Variants in VWDE observed in about 807,000 individuals in gnomAD.
VWDE encodes von Willebrand factor D and EGF domains, also known as von Willebrand factor D and EGF domain-containing protein.
In VWDE, 207 loss-of-function variants were observed where a neutral mutation model predicts 178.4. The ratio of observed to expected loss-of-function variants is 1.16; its 90% CI spans 1.04 to 1.30. The LOEUF is 1.30. VWDE is among the 50% of genes most tolerant of loss of function. The pLI is 0.00. For synonymous variants in VWDE, 738 were observed against 651.4 expected, an observed-to-expected ratio of 1.13 and a Z score of -2.02; for missense variants, 2,287 against 1,901.3, an observed-to-expected ratio of 1.20 and a Z score of -3.77.
In VWDE at chr7:12,361,507, T is replaced by G; in HGVS notation, c.2913A>C (p.Glu971Asp). ...EVTKLQYNSS[E>D]WMPGEPIYTQ... Reference sequence around the variant, plus strand: ...TATAGATGGGTTCTCCAGGCATCCATTCACTGCTATTATACTGAAGACATA... The same window carrying G: ...TATAGATGGGTTCTCCAGGCATCCAGTCACTGCTATTATACTGAAGACATA... The change falls in exon 14 of 29, where the codon GAA (glutamate) becomes GAC (aspartate). Residue 971 changes from glutamate (E) to aspartate (D), a missense_variant. By Grantham distance (45) the Glu-to-Asp change is conservative (BLOSUM62 2). Coordinates refer to ENST00000275358, the MANE Select transcript of VWDE (RefSeq NM_001135924.3). 1.3e-6 allele frequency: 2 copies of G among 1,547,804 alleles called. No individual in the cohort carries two copies. Among genetic ancestry groups the G allele is most frequent in the African/African-American group, 1.4e-5 (1 of 72,902 alleles).
chr7:12,400,246 T>C (rs1421802676), intron 1 of VWDE, among the ~76,000 whole-genome samples: 3 of 151,986 alleles, frequency 2.0e-5, no homozygotes, highest in Non-Finnish European at 2.9e-5. Context: ...GAACTGAGTA[T>C]AGAAAAACAA....
chr7:12,377,547 AT>A lies in VWDE; in HGVS notation c.1024+228del, dbSNP rs1291604319. ...GATGACGAAGAGGAGATTATTCACT[AT>A]TTTTTTTCTTTTTTTAAAATGTATG... is the stretch of plus-strand genomic sequence containing the variant. On this transcript the variant is annotated intron_variant, in intron 7 of 28. Coordinates refer to ENST00000275358, the MANE Select transcript of VWDE (RefSeq NM_001135924.3). 9 of 325,676 alleles carry A rather than the reference AT, an allele frequency of 2.8e-5. No homozygotes were observed. The South Asian group carries it at 4.6e-4, about 17-fold the overall frequency. The allele number at this position is 325,676 out of a possible 1,614,324, so 20.2% of individuals were successfully genotyped here.
chr7:12,351,218 C>T (rs563683096), intron 19 of VWDE, among the ~76,000 whole-genome samples: 8 of 152,070 alleles, frequency 5.3e-5, no homozygotes, highest in Non-Finnish European at 1.2e-4. Flanking sequence ...ACAGGAAAGG[C>T]CTTGTGAAAT....
Position 12,393,758 on chromosome 7 carries a change from C to A in VWDE, c.79G>T (p.Gly27Ter). 1 of 1,549,558 alleles carries A rather than the reference C, an allele frequency of 6.5e-7. No homozygotes were observed. The highest frequency in any genetic ancestry group is 1.2e-5 in the South Asian group (1 of 83,630). ...TAAGGACTCCGAAGAAACTGGTGTC[C>A]CCCAGGAGAGCACTCCTGAGCTAGT... ...WGEAQECSPGGHQFLRSPYRS... is the reference protein window; with the variant it reads ...WGEAQECSPG The change falls in exon 2 of 29, where the codon GGA becomes TGA. Residue 27 changes from glycine (G) to a stop codon, truncating the protein, a stop_gained. Coordinates refer to ENST00000275358, the MANE Select transcript of VWDE (RefSeq NM_001135924.3). LOFTEE classifies it high-confidence loss of function.
chr7:12,366,217 C>T (rs907920440), intron 13 of VWDE, among the ~76,000 whole-genome samples: 1 of 152,030 alleles, frequency 6.6e-6, no homozygotes, highest in African/African-American at 2.4e-5. Context: ...CTTTATAGCA[C>T]TGTGAAAATG....
Position 12,377,678 on chromosome 7 carries a change from T to C in VWDE, c.1024+98A>G, listed in dbSNP as rs1783610320. 4 of 702,646 alleles carry C rather than the reference T, an allele frequency of 5.7e-6. No individual in the cohort carries two copies. The South Asian group carries it at 2.0e-4, about 34-fold the overall frequency. The allele number at this position is 702,646 out of a possible 1,614,324, so 43.5% of individuals were successfully genotyped here. ...AATTTGATGTCAACATGCAACATGATTTATTATATGAGTACACTCCAGTGA... is the reference window on the plus strand; with the variant it reads ...AATTTGATGTCAACATGCAACATGACTTATTATATGAGTACACTCCAGTGA... On this transcript the variant is annotated intron_variant, in intron 7 of 28. Coordinates refer to ENST00000275358, the MANE Select transcript of VWDE (RefSeq NM_001135924.3).
intron 28 of VWDE, among the ~76,000 whole-genome samples, chr7:12,332,744 C>T (rs1326573085): frequency 6.6e-6 from 1 of 152,066 alleles, no homozygotes; most frequent in Non-Finnish European, 1.5e-5. Context: ...CACCAGTGCT[C>T]GGAGAAAACT....
intron 16 of VWDE, among the ~76,000 whole-genome samples, 152 bp from the exon 17 acceptor site, chr7:12,357,667 A>G (rs754303859): frequency 2.6e-5 from 4 of 151,846 alleles, no homozygotes; most frequent in Non-Finnish European, 5.9e-5. Context: ...TAACATTCTG[A>G]GTAAGTTCAA....
intron 15 of VWDE, among the ~76,000 whole-genome samples, chr7:12,360,125 C>G (rs766897837): frequency 2.0e-5 from 3 of 152,116 alleles, no homozygotes; most frequent in Non-Finnish European, 2.9e-5. Context: ...GTGAACACAG[C>G]CAACTAGACC....
At chr7:12,379,346 TG>T (rs1033316876) in intron 6 of VWDE, 130 bp downstream of exon 6, 15 of 512,766 alleles carry the variant, frequency 2.9e-5, no homozygotes, top group African/African-American at 2.6e-4. Flanking sequence ...TCTTCAAATA[TG>T]GGGACTCATG....
intron 21 of VWDE, among the ~76,000 whole-genome samples, chr7:12,343,974 A>T (rs1200616581): frequency 5.9e-5 from 9 of 152,244 alleles, no homozygotes; most frequent in Admixed American, 1.3e-4. Flanking sequence ...ATAACAAATA[A>T]GCTATTGCCC....
intron 18 of VWDE, 72 bp from the exon 19 acceptor site, chr7:12,351,785 T>C (rs1049975204): frequency 1.9e-5 from 25 of 1,344,202 alleles, no homozygotes; most frequent in Non-Finnish European, 2.4e-5. Context: ...AATAAGAATA[T>C]ACAATACAAA....
At chr7:12,333,425 C>T (rs1780841995) in intron 28 of VWDE, 40 bp downstream of exon 28, 10 of 1,241,512 alleles carry the variant, frequency 8.1e-6, no homozygotes, top group Non-Finnish European at 1.0e-5. Flanking sequence ...ATGCAAATGT[C>T]AATGTCTAAT....
intron 1 of VWDE, 49 bp from the exon 2 acceptor site, chr7:12,393,827 C>A: frequency 7.0e-7 from 1 of 1,436,298 alleles, no homozygotes; most frequent in Non-Finnish European, 9.2e-7. Flanking sequence ...TGTTTGTTGA[C>A]ATAGTTCGGT....
chr7:12,367,399 G>C lies in VWDE; in HGVS notation c.2856C>G (p.Phe952Leu), dbSNP rs1562490924. Residue 952 changes from phenylalanine to leucine, a missense_variant, in exon 13 of 29, where the codon TTC becomes TTG. Phe to Leu is a conservative substitution (Grantham distance 22, BLOSUM62 0). Transcript: ENST00000275358. The stretch of plus-strand genomic sequence containing the variant: ...CACATTTAATTGAAGGTAATTCTTT[G>C]AAGCCTTTGCCAAAAACTCTCACCA... ...CMMVRVFGKG[F>L]KELPSIKCEV... 2 of 1,546,412 alleles carry C rather than the reference G, an allele frequency of 1.3e-6. No individual in the cohort carries two copies. The highest frequency in any genetic ancestry group is 4.9e-5 in the East Asian group (2 of 40,532).
intron 18 of VWDE, chr7:12,354,490 G>A (rs1024920186): frequency 5.6e-5 from 21 of 376,154 alleles, no homozygotes; most frequent in African/African-American, 4.1e-4. Flanking sequence ...ATTTTTGCCT[G>A]TATAAAATAT....
In VWDE at chr7:12,345,102, T is replaced by C. The variant is rs556965772; in HGVS notation, c.3887-633A>G. On this transcript the variant is annotated intron_variant, in intron 19 of 28. Transcript: ENST00000275358. ...TATGACACAGTTGATACAAAATGTTTCCACAGACCCTGGAACACAGAAAGT... is the reference window on the plus strand; with the variant it reads ...TATGACACAGTTGATACAAAATGTTCCCACAGACCCTGGAACACAGAAAGT... Among the ~76,000 whole-genome samples, 178 of 152,200 alleles carry C rather than the reference T, an allele frequency of 1.2e-3. 2 individuals are homozygous for C. Among genetic ancestry groups the C allele is most frequent in the African/African-American group, 4.2e-3 (175 of 41,542 alleles).
At chr7:12,355,468 C>T (rs1474464452) in intron 18 of VWDE, among the ~76,000 whole-genome samples, 2 of 151,050 alleles carry the variant, frequency 1.3e-5, no homozygotes, top group Non-Finnish European at 2.9e-5. Context: ...ATATTCTGCT[C>T]AGTTCTACTG....
At chr7:12,340,253 T>G in intron 24 of VWDE, 69 bp downstream of exon 24, 7 of 1,229,304 alleles carry the variant, frequency 5.7e-6, no homozygotes, top group Non-Finnish European at 8.0e-6. Context: ...TTGTCTCATG[T>G]TTACTCAGAG....
Sources: gnomAD v4.1 joint callset for allele counts (sites outside exome capture counted in the v4.1 genomes callset) on GRCh38, gnomAD v4.1.1 for gene constraint, MANE v1.5 for transcripts, NCBI Gene and HGNC (gene_info 2026-07-23, HGNC 2026-07-21) for gene names.